PACRG: variants seen among roughly 807,000 people sequenced by gnomAD.
PACRG encodes parkin coregulated gene protein.
A neutral mutation model predicts 29.7 loss-of-function variants in PACRG; 29 were observed. That is an observed-to-expected ratio of 0.98 (90% confidence interval 0.73 to 1.33). PACRG has a LOEUF of 1.33. Among genes scored for constraint, PACRG ranks in the 40% most tolerant of loss-of-function variants. The pLI is 0.00. For missense variants in PACRG, 279 were observed against 316.2 expected (o/e 0.88, Z 0.89); for synonymous variants, 116 against 118.7 (o/e 0.98, Z 0.15).
intron 2 of PACRG, among the ~76,000 whole-genome samples, chr6:162,828,519 C>T (rs1000180100): frequency 4.6e-5 from 7 of 152,046 alleles, no homozygotes; most frequent in Admixed American, 1.3e-4. Context: ...AATGAAGCAG[C>T]GAAATTCTCA....
intron 4 of PACRG, among the ~76,000 whole-genome samples, chr6:163,283,940 C>G (rs1401955288): frequency 6.6e-6 from 1 of 152,010 alleles, no homozygotes; most frequent in Non-Finnish European, 1.5e-5. Context: ...GTGGTGAAAC[C>G]CCATCTCTAC....
intron 4 of PACRG, among the ~76,000 whole-genome samples, chr6:163,196,888 G>A (rs6923530): frequency 0.049 from 7,479 of 151,632 alleles, 562 homozygotes; most frequent in African/African-American, 0.17. Flanking sequence ...TAGATAGATG[G>A]ATAGACATGT....
chr6:163,144,183 C>G (rs373072173), intron 4 of PACRG, among the ~76,000 whole-genome samples: 1 of 147,308 alleles, frequency 6.8e-6, no homozygotes, highest in East Asian at 2.0e-4. Flanking sequence ...GAACCGAGAT[C>G]GCACCACTGC....
intron 4 of PACRG, among the ~76,000 whole-genome samples, chr6:163,186,267 C>T (rs113224130): frequency 1.8e-4 from 27 of 152,264 alleles, no homozygotes; most frequent in East Asian, 1.4e-3. Context: ...AAGCTGCACA[C>T]GCCTGGAGAG....
chr6:163,236,666 C>T (rs1782251871), intron 4 of PACRG, among the ~76,000 whole-genome samples: 1 of 152,198 alleles, frequency 6.6e-6, no homozygotes, highest in Non-Finnish European at 1.5e-5. Flanking sequence ...GAGGTGGAGA[C>T]TGTGCCGCTG....
chr6:163,139,060 C>T (rs1817049923), intron 4 of PACRG, among the ~76,000 whole-genome samples: 1 of 152,232 alleles, frequency 6.6e-6, no homozygotes, highest in Admixed American at 6.5e-5. Flanking sequence ...AACTTGGTGG[C>T]TTGCAGAATG....
At chr6:163,246,368 G>T (rs1016211584) in intron 4 of PACRG, among the ~76,000 whole-genome samples, 1 of 152,062 alleles carries the variant, frequency 6.6e-6, no homozygotes, top group African/African-American at 2.4e-5. Flanking sequence ...CTGGTTCTGC[G>T]CATGGCTCCT....
At chr6:163,163,639 A>G (rs1308780489) in intron 4 of PACRG, among the ~76,000 whole-genome samples, 1 of 152,022 alleles carries the variant, frequency 6.6e-6, no homozygotes, top group Non-Finnish European at 1.5e-5. Flanking sequence ...AATATTGTCC[A>G]TATTTTTGTA....
intron 4 of PACRG, among the ~76,000 whole-genome samples, chr6:163,284,287 G>A (rs1388503869): frequency 6.6e-6 from 1 of 152,144 alleles, no homozygotes; most frequent in Non-Finnish European, 1.5e-5. Flanking sequence ...GCCAGCCCGG[G>A]GCCAGGCCAG....
intron 4 of PACRG, among the ~76,000 whole-genome samples, chr6:163,213,539 T>C (rs1284406386): frequency 6.6e-6 from 1 of 152,228 alleles, no homozygotes; most frequent in African/African-American, 2.4e-5. Context: ...TTGTAGGGAA[T>C]ATACACTGAA....
At position 162,970,460 on chromosome 6, in the gene PACRG, G is replaced by A. The variant is rs769317902; in HGVS notation, c.292-91690G>A. Among the ~76,000 whole-genome samples, 6 of 152,078 alleles carry A rather than the reference G, an allele frequency of 3.9e-5. No homozygotes were observed. In the South Asian group the frequency reaches 6.2e-4, roughly 16 times the overall value. On this transcript the variant is annotated intron_variant, in intron 2 of 4. Transcript: ENST00000366888. ...CCTCTTCTCGTTTGGCAAGAATCCC[G>A]GCTATCGATGAAGAAACCAGCTGCT...
chr6:163,048,395 C>A (rs1241062801), intron 2 of PACRG, among the ~76,000 whole-genome samples: 2 of 152,072 alleles, frequency 1.3e-5, no homozygotes, highest in African/African-American at 4.8e-5. Context: ...TATTTGTCTT[C>A]CTTTAATCTA....
At chr6:163,160,241 C>T (rs1160187385) in intron 4 of PACRG, among the ~76,000 whole-genome samples, 1 of 152,114 alleles carries the variant, frequency 6.6e-6, no homozygotes, top group Non-Finnish European at 1.5e-5. Context: ...GATTCTACAG[C>T]CATTTTAGTA....
chr6:163,025,432 T>C (rs1387528005), intron 2 of PACRG, among the ~76,000 whole-genome samples: 1 of 152,214 alleles, frequency 6.6e-6, no homozygotes, highest in East Asian at 1.9e-4. Flanking sequence ...AGCATTTCTA[T>C]ACGCCAGCAA....
chr6:162,886,483 G>T (rs1019791099), intron 2 of PACRG, among the ~76,000 whole-genome samples: 7 of 152,118 alleles, frequency 4.6e-5, no homozygotes, highest in Non-Finnish European at 2.9e-5. Context: ...CATGGCACGC[G>T]TCTCCTGGAA....
At chr6:162,972,891 C>G (rs1456320122) in intron 2 of PACRG, among the ~76,000 whole-genome samples, 1 of 152,094 alleles carries the variant, frequency 6.6e-6, no homozygotes, top group Admixed American at 6.5e-5. Flanking sequence ...TATAATGATT[C>G]TTTAGATTTA....
chr6:162,926,946 A>G (rs1797487372), intron 2 of PACRG, among the ~76,000 whole-genome samples: 1 of 152,192 alleles, frequency 6.6e-6, no homozygotes, highest in South Asian at 2.1e-4. Flanking sequence ...AAGGAACTTA[A>G]ACAAATTTAC....
intron 4 of PACRG, among the ~76,000 whole-genome samples, chr6:163,184,191 C>T (rs973735822): frequency 6.6e-6 from 1 of 152,194 alleles, no homozygotes; most frequent in East Asian, 1.9e-4. Flanking sequence ...TCCTTGTGCT[C>T]GGTTCCTTAA....
chr6:163,269,787 A>AG lies in PACRG; in HGVS notation c.614-45039dup, dbSNP rs1454388577. 4.5e-4 allele frequency among the ~76,000 whole-genome samples: 49 copies of AG among 108,308 alleles called. 4 individuals carry two copies. The highest frequency in any genetic ancestry group is 1.8e-3 in the South Asian group (6 of 3,316). 71.1% of individuals were successfully genotyped at this position (108,308 alleles called of 152,430 possible). ...GAGACAGACAGACAGACAGACAGAA[A>AG]GAAAGAAAGGAAGGAAGGAAGGAAG... On this transcript the variant is annotated intron_variant, in intron 4 of 4. Transcript: ENST00000366888.
Sources: gnomAD v4.1 joint callset for allele counts (sites outside exome capture counted in the v4.1 genomes callset) on GRCh38, gnomAD v4.1.1 for gene constraint, MANE v1.5 for transcripts, NCBI Gene and HGNC (gene_info 2026-07-23, HGNC 2026-07-21) for gene names.